SNTG1: variants seen among roughly 807,000 people sequenced by gnomAD.
The protein encoded by SNTG1 is gamma-1-syntrophin.
In SNTG1, 39 loss-of-function variants were observed where a neutral mutation model predicts 74.7. The ratio of observed to expected loss-of-function variants is 0.52; its 90% CI spans 0.40 to 0.68. The LOEUF is 0.68. SNTG1 is among the 30% of genes least tolerant of loss of function. SNTG1 has a pLI of 0.00. For synonymous variants in SNTG1, 254 were observed against 217.1 expected, an observed-to-expected ratio of 1.17 and a Z score of -1.49; for missense variants, 685 against 609.5, an observed-to-expected ratio of 1.12 and a Z score of -1.30.
chr8:50,393,993 G>T (rs1445215065), intron 2 of SNTG1, among the ~76,000 whole-genome samples: 1 of 152,220 alleles, frequency 6.6e-6, no homozygotes, highest in Non-Finnish European at 1.5e-5. Context: ...CACACTGAAT[G>T]ATGGCAGGAT....
At chr8:50,386,576 G>A (rs1258062533) in intron 2 of SNTG1, among the ~76,000 whole-genome samples, 1 of 151,972 alleles carries the variant, frequency 6.6e-6, no homozygotes, top group East Asian at 1.9e-4. Context: ...TAAAGAAAAG[G>A]GGCTTACTTT....
At position 50,481,238 on chromosome 8, in the gene SNTG1, G is replaced by A. The variant is rs559657984; in HGVS notation, c.364-21540G>A. Among the ~76,000 whole-genome samples, 14 of 152,158 alleles carry A rather than the reference G, an allele frequency of 9.2e-5. No individual in the cohort carries two copies. In the South Asian group the frequency reaches 1.0e-3, roughly 11 times the overall value. ...TCTATTAAAAATACAAAAATTAGCCGGGTATGGTGGTGGGCACCTATAATC... is the reference window on the plus strand; with the variant it reads ...TCTATTAAAAATACAAAAATTAGCCAGGTATGGTGGTGGGCACCTATAATC... On this transcript the variant is annotated intron_variant, in intron 8 of 18. Transcript: ENST00000642720.
intron 13 of SNTG1, among the ~76,000 whole-genome samples, chr8:50,597,128 A>C (rs940729565): frequency 6.6e-6 from 1 of 151,472 alleles, no homozygotes; most frequent in South Asian, 2.1e-4. Flanking sequence ...TATGAGATCA[A>C]CTTTTTTTTC....
At chr8:50,222,594 T>C (rs2131999775) in intron 2 of SNTG1, among the ~76,000 whole-genome samples, 1 of 152,290 alleles carries the variant, frequency 6.6e-6, no homozygotes, top group South Asian at 2.1e-4. Context: ...ACCTCCTTTT[T>C]CCTTAATTGT....
At chr8:50,307,030 C>T (rs1162976488) in intron 2 of SNTG1, among the ~76,000 whole-genome samples, 1 of 151,938 alleles carries the variant, frequency 6.6e-6, no homozygotes, top group African/African-American at 2.4e-5. Context: ...TATATGAGCT[C>T]ATCAATATTC....
At chr8:49,997,334 C>T (rs554051825) in intron 1 of SNTG1, among the ~76,000 whole-genome samples, 2 of 152,038 alleles carry the variant, frequency 1.3e-5, no homozygotes, top group Non-Finnish European at 2.9e-5. Context: ...AGTCCCCATG[C>T]CTTCATAGAT....
intron 1 of SNTG1, among the ~76,000 whole-genome samples, chr8:50,013,491 ATAG>A (rs1816021405): frequency 6.6e-6 from 1 of 151,772 alleles, no homozygotes; most frequent in Non-Finnish European, 1.5e-5. Context: ...AGATAGATAG[ATAG>A]ATAGATAGAT....
intron 1 of SNTG1, among the ~76,000 whole-genome samples, chr8:50,024,001 C>T (rs1384109001): frequency 2.0e-5 from 3 of 152,070 alleles, no homozygotes; most frequent in Non-Finnish European, 4.4e-5. Flanking sequence ...TAAAATAAAC[C>T]ATTGCTAGGC....
At chr8:50,719,598 A>G (rs2131586875) in intron 17 of SNTG1, among the ~76,000 whole-genome samples, 1 of 152,324 alleles carries the variant, frequency 6.6e-6, no homozygotes, top group Admixed American at 6.5e-5. Context: ...TGCTATTTTC[A>G]TCACACAGAT....
At chr8:50,394,768 T>C (rs2092705628) in intron 3 of SNTG1, among the ~76,000 whole-genome samples, 1 of 152,080 alleles carries the variant, frequency 6.6e-6, no homozygotes, top group Non-Finnish European at 1.5e-5. Flanking sequence ...ATAAACAGTG[T>C]TCAAGTTTAC....
At chr8:50,071,160 G>T (rs962727266) in intron 1 of SNTG1, among the ~76,000 whole-genome samples, 2 of 152,176 alleles carry the variant, frequency 1.3e-5, no homozygotes, top group Non-Finnish European at 2.9e-5. Flanking sequence ...GAATACAAAA[G>T]AATCTGTGGA....
At chr8:50,089,532 T>C (rs1392955843) in intron 1 of SNTG1, among the ~76,000 whole-genome samples, 5 of 151,828 alleles carry the variant, frequency 3.3e-5, no homozygotes, top group African/African-American at 9.7e-5. Context: ...ATATCCAGAA[T>C]CTACAATGAA....
At chr8:50,284,842 A>G (rs1176531627) in intron 2 of SNTG1, among the ~76,000 whole-genome samples, 1 of 151,976 alleles carries the variant, frequency 6.6e-6, no homozygotes, top group African/African-American at 2.4e-5. Flanking sequence ...ATAAAAATAA[A>G]CTCTCCTATA....
intron 2 of SNTG1, among the ~76,000 whole-genome samples, chr8:50,245,062 T>C (rs750168097): frequency 1.2e-4 from 18 of 152,212 alleles, no homozygotes; most frequent in Non-Finnish European, 2.5e-4. Flanking sequence ...ATCAGAGCAA[T>C]TACAACTCTC....
At chr8:50,366,603 G>T (rs12548399) in intron 2 of SNTG1, among the ~76,000 whole-genome samples, 11 of 149,248 alleles carry the variant, frequency 7.4e-5, no homozygotes, top group Non-Finnish European at 1.0e-4. Context: ...TGATTCTTCC[G>T]TACTGGTTTT....
At chr8:50,137,259 A>C (rs1023793143) in intron 1 of SNTG1, among the ~76,000 whole-genome samples, 1 of 152,148 alleles carries the variant, frequency 6.6e-6, no homozygotes, top group African/African-American at 2.4e-5. Context: ...GAGAAATTTA[A>C]AAGGGTGCAT....
At chr8:50,222,087 G>A (rs1015692391) in intron 2 of SNTG1, among the ~76,000 whole-genome samples, 2 of 152,104 alleles carry the variant, frequency 1.3e-5, no homozygotes, top group East Asian at 1.9e-4. Context: ...TGGTTGAGTG[G>A]AGAGTTGCAG....
At chr8:49,941,174 C>A (rs1464185075) in intron 1 of SNTG1, among the ~76,000 whole-genome samples, 1 of 152,072 alleles carries the variant, frequency 6.6e-6, no homozygotes, top group Non-Finnish European at 1.5e-5. Context: ...GGGGGGTTTC[C>A]CTTTGACCCT....
chr8:50,005,128 T>TA (rs1447607466), intron 1 of SNTG1, among the ~76,000 whole-genome samples: 1 of 152,088 alleles, frequency 6.6e-6, no homozygotes, highest in African/African-American at 2.4e-5. Flanking sequence ...AATAAAGATC[T>TA]AAAATCTATT....
Sources: allele counts gnomAD v4.1 joint callset (sites outside exome capture counted in the v4.1 genomes callset), GRCh38; gene constraint gnomAD v4.1.1; transcripts MANE v1.5; gene names NCBI Gene and HGNC (gene_info 2026-07-23, HGNC 2026-07-21).